The following TEX15 variants were observed in gnomAD, a reference collection of about 807,000 sequenced individuals.
TEX15 encodes testis-expressed protein 15.
TEX15 carries 171 observed loss-of-function variants against 237.3 expected under a neutral mutation model. The ratio of observed to expected loss-of-function variants is 0.72; its 90% confidence interval spans 0.64 to 0.82. The LOEUF is 0.82. TEX15 is among the 40% of genes least tolerant of loss of function. The pLI, the probability that TEX15 is intolerant of heterozygous loss-of-function variation, is 0.00. For missense variants in TEX15, 3,750 were observed against 3,646.5 expected (o/e 1.03, Z -0.73); for synonymous variants, 1,338 against 1,269.8 (o/e 1.05, Z -1.14).
chr8:30,834,605 A>G (rs960434983), intron 10 of TEX15, among the ~76,000 whole-genome samples: 5 of 152,206 alleles, frequency 3.3e-5, no homozygotes, highest in Non-Finnish European at 7.4e-5. Flanking sequence ...ATACTCACAT[A>G]CCTTATGTGA....
chr8:30,840,448 A>T (rs1807425107), intron 8 of TEX15, among the ~76,000 whole-genome samples: 1 of 152,128 alleles, frequency 6.6e-6, no homozygotes, highest in Non-Finnish European at 1.5e-5. Flanking sequence ...CATCTGCCTC[A>T]GCCTCCCAAA....
At position 30,874,944 on chromosome 8, in the gene TEX15, CA is replaced by C. The variant is rs1808371021; in HGVS notation, c.294del (p.Ala99LeufsTer23). 7.5e-7 allele frequency: 1 copy of C among 1,332,228 alleles called. No homozygotes were observed. The highest frequency in any genetic ancestry group is 9.6e-7 in the Non-Finnish European group (1 of 1,040,970). 82.5% of individuals were successfully genotyped at this position (1,332,228 alleles called of 1,614,324 possible). On this transcript the variant is annotated frameshift_variant, in exon 4 of 11. Transcript: ENST00000643185. LOFTEE classifies it high-confidence loss of function. ...VHNEELEKNF[T>X]AKRSEMRESG... ...TAGATCATAGTAACTTACCTCTTAG[CA>C]GTAAAATTTTTTTCCAGTTCCTCAT...
Position 30,847,795 on chromosome 8 carries a change from G to A in TEX15, c.2372C>T (p.Ala791Val), listed in dbSNP as rs755283593. ...TATGCTGCAATTTGAACTGTCATGA[G>A]CTGTTTCTATGTTATAAGATGAAAT... ...TVISSYNIETAHDSSNCSITR... is the reference protein window; with the variant it reads ...TVISSYNIETVHDSSNCSITR... The change falls in exon 8 of 11, where the codon GCT becomes GTT. Residue 791 changes from alanine (A) to valine (V), a missense_variant. Physicochemically the swap from Ala to Val is moderately conservative, Grantham distance 64 (BLOSUM62 0). Transcript: ENST00000643185. The A allele has an allele frequency of 3.0e-5, 48 of 1,613,656 alleles. No individual in the cohort carries two copies. Among genetic ancestry groups the A allele is most frequent in the Non-Finnish European group, 3.9e-5 (46 of 1,179,950 alleles).
In TEX15 at chr8:30,843,641, A is replaced by G; in HGVS notation, c.6526T>C (p.Cys2176Arg). 2 of 1,612,800 alleles carry G rather than the reference A, an allele frequency of 1.2e-6. No individual in the cohort carries two copies. Among genetic ancestry groups the G allele is most frequent in the Non-Finnish European group, 1.7e-6 (2 of 1,179,656 alleles). ...GAACAATGCTCCATTATGGCTTCAC[A>G]TTCATTAACCTGTCGTTTGTACTTT... is the stretch of plus-strand genomic sequence containing the variant. ...FLKYKRQVNE[C>R]EAIMEHCSDC... is the part of the protein sequence containing the mutation. Residue 2176 changes from cysteine (C) to arginine (R), a missense_variant, in exon 8 of 11, where the codon TGT becomes CGT. Transcript: ENST00000643185.
In TEX15 at chr8:30,836,827, GCA is replaced by G. The variant is rs1367212755; in HGVS notation, c.9455_9456del (p.Val3152AlafsTer30). The stretch of plus-strand genomic sequence containing the variant: ...CCATAAACCCAAGGAACTTCTGGAG[GCA>G]CAAATCGATTAGGAAGGTAAGGGTA... ...ATYPYLPNRF[V>X]PPEVPWVYAP... On this transcript the variant is annotated frameshift_variant, in exon 10 of 11. Transcript: ENST00000643185. LOFTEE classifies it high-confidence loss of function. 2 of 1,608,688 alleles carry G rather than the reference GCA, an allele frequency of 1.2e-6. No individual in the cohort carries two copies. Among genetic ancestry groups the G allele is most frequent in the African/African-American group, 2.7e-5 (2 of 74,628 alleles).
intron 2 of TEX15, chr8:30,888,612 T>C (rs1808716562): frequency 7.8e-7 from 1 of 1,288,908 alleles, no homozygotes; most frequent in Non-Finnish European, 1.0e-6. Context: ...CAGGGAAATA[T>C]ATATAAGCAG....
intron 3 of TEX15, among the ~76,000 whole-genome samples, chr8:30,884,799 T>G (rs1237436318): frequency 6.6e-6 from 1 of 152,096 alleles, no homozygotes; most frequent in African/African-American, 2.4e-5. Flanking sequence ...GTTGATTTTT[T>G]TCTATTAATT....
chr8:30,845,142 A>G lies in TEX15; in HGVS notation c.5025T>C (p.Asp1675=), dbSNP rs1191764527. ...ACTTTACTTCCAGGTTTCTTTTACAATCAGATAAAATAAGGTTACCTTGTT... is the reference window on the plus strand; with the variant it reads ...ACTTTACTTCCAGGTTTCTTTTACAGTCAGATAAAATAAGGTTACCTTGTT... The part of the protein sequence containing the change: ...LYQQGNLILS[D]CKRNLEVKWT... Residue 1675 remains aspartate (D), a synonymous_variant, in exon 8 of 11, where the codon GAT becomes GAC. Coordinates refer to ENST00000643185, the MANE Select transcript of TEX15 (RefSeq NM_001350162.2). The G allele has an allele frequency of 6.2e-7, 1 of 1,613,438 alleles. No homozygotes were observed. Among genetic ancestry groups the G allele is most frequent in the Admixed American group, 1.7e-5 (1 of 59,976 alleles).
Position 30,837,539 on chromosome 8 carries a change from G to C in TEX15, c.8745C>G (p.Val2915=). The change falls in exon 10 of 11, where the codon GTC becomes GTG. Residue 2915 remains valine, a synonymous_variant. Coordinates refer to ENST00000643185, the MANE Select transcript of TEX15 (RefSeq NM_001350162.2). ...CTATATCATTATCTTGAAGTTCAAAGACTGTGTCATTCATTTCTAGATCAG... is the reference window on the plus strand; with the variant it reads ...CTATATCATTATCTTGAAGTTCAAACACTGTGTCATTCATTTCTAGATCAG... ...VHPDLEMNDT[V]FELQDNDIVN... 6.2e-7 allele frequency: 1 copy of C among 1,613,864 alleles called. No individual in the cohort carries two copies. Among genetic ancestry groups the C allele is most frequent in the Non-Finnish European group, 8.5e-7 (1 of 1,179,858 alleles).
In TEX15 at chr8:30,836,220, T is replaced by TTG. The variant is rs1807292521; in HGVS notation, c.9481+582_9481+583insCA. Among the ~76,000 whole-genome samples the TTG allele has an allele frequency of 3.0e-5, 4 of 132,996 alleles. No homozygotes were observed. In the South Asian group the frequency reaches 7.8e-4, roughly 26 times the overall value. 87.3% of individuals were successfully genotyped at this position (132,996 alleles called of 152,430 possible). ...TCACTGTATCGTTTTTTTTTTTTTTTTTTTTTTTTTTTGAGGTCGAGTCTC... is the reference window on the plus strand; with the variant it reads ...TCACTGTATCGTTTTTTTTTTTTTTTTGTTTTTTTTTTTTGAGGTCGAGTCTC... On this transcript the variant is annotated intron_variant, in intron 10 of 10. Transcript: ENST00000643185.
intron 1 of TEX15, among the ~76,000 whole-genome samples, chr8:30,907,465 CAAAATGTATATATAAATTATATAT>C (rs1563281294): frequency 6.2e-5 from 9 of 145,836 alleles, no homozygotes; most frequent in Admixed American, 2.1e-4. Context: ...AAATTATATA[CAAAATGTATATATAAATTATATAT>C]AAAATGTATA....
intron 7 of TEX15, among the ~76,000 whole-genome samples, chr8:30,853,692 A>G (rs915609279): frequency 2.0e-5 from 3 of 152,202 alleles, no homozygotes; most frequent in African/African-American, 7.2e-5. Context: ...CCTCCCTGAC[A>G]GATACTGGAG....
chr8:30,838,699 CACACACACACACACACACATATAT>C (rs1807367221), intron 9 of TEX15, among the ~76,000 whole-genome samples: 1 of 2,756 alleles, frequency 3.6e-4, no homozygotes, highest in Non-Finnish European at 1.0e-3. Flanking sequence ...TATATATATA[CACACACACACACACACACATATAT>C]ACACACACAC....
At position 30,858,741 on chromosome 8, in the gene TEX15, A is replaced by G. The variant is rs1243690076; in HGVS notation, c.777T>C (p.Leu259=). ...LPYAVVTVKF[L]GSKVDNGRLM... The stretch of plus-strand genomic sequence containing the variant: ...GGCGTCCATTATCTACTTTTGAACC[A>G]AGAAATTTTACTGTTACTACAGCAT... Residue 259 remains leucine (L), a synonymous_variant, in exon 7 of 11, where the codon CTT becomes CTC. Coordinates refer to ENST00000643185, the MANE Select transcript of TEX15 (RefSeq NM_001350162.2). 1 of 1,535,708 alleles carries G rather than the reference A, an allele frequency of 6.5e-7. No homozygotes were observed. Among genetic ancestry groups the G allele is most frequent in the Non-Finnish European group, 8.7e-7 (1 of 1,146,696 alleles).
At chr8:30,900,186 C>T (rs10086531) in intron 1 of TEX15, among the ~76,000 whole-genome samples, 54,697 of 152,026 alleles carry the variant, frequency 0.36, 15,094 homozygotes, top group African/African-American at 0.77. Context: ...CTTACTAGTT[C>T]GTGTATATTT....
chr8:30,837,569 G>A lies in TEX15; in HGVS notation c.8715C>T (p.Val2905=), dbSNP rs772599415. ...TGTCATTCATTTCTAGATCAGGATG[G>A]ACATCTTTCACAAAACAGAAAATTG... ...SKPIFCFVKD[V]HPDLEMNDTV... Residue 2905 remains valine, a synonymous_variant, in exon 10 of 11, where the codon GTC becomes GTT. Transcript: ENST00000643185. 1 of 1,613,934 alleles carries A rather than the reference G, an allele frequency of 6.2e-7. No individual in the cohort carries two copies. Among genetic ancestry groups the A allele is most frequent in the Non-Finnish European group, 8.5e-7 (1 of 1,179,896 alleles).
intron 7 of TEX15, among the ~76,000 whole-genome samples, chr8:30,857,825 C>T (rs1184805682): frequency 2.6e-5 from 4 of 152,036 alleles, no homozygotes; most frequent in Non-Finnish European, 5.9e-5. Flanking sequence ...CAAGTTAAAA[C>T]CACAATGAAA....
chr8:30,910,859 G>T (rs988047146), intron 1 of TEX15, among the ~76,000 whole-genome samples: 3 of 151,950 alleles, frequency 2.0e-5, no homozygotes, highest in Non-Finnish European at 2.9e-5. Context: ...AAATATCTTT[G>T]CAATAAGGTA....
Position 30,848,000 on chromosome 8 carries a change from T to G in TEX15, c.2167A>C (p.Lys723Gln). The change falls in exon 8 of 11, where the codon AAG (lysine) becomes CAG (glutamine). Residue 723 changes from lysine to glutamine, a missense_variant. By Grantham distance (53) the Lys-to-Gln change is moderately conservative. Transcript: ENST00000643185. ...TACTCCACAGAGTGCTGAGGATGCT[T>G]TTGTGACAGGCTCTCAAAACTTGGA... ...ITPSFESLSQ[K>Q]HPQHSVEYEG... 1.2e-6 allele frequency: 2 copies of G among 1,614,018 alleles called. No individual in the cohort carries two copies. Among genetic ancestry groups the G allele is most frequent in the Non-Finnish European group, 1.7e-6 (2 of 1,179,936 alleles).
Sources: gnomAD v4.1 joint callset for allele counts (sites outside exome capture counted in the v4.1 genomes callset) on GRCh38, gnomAD v4.1.1 for gene constraint, MANE v1.5 for transcripts, NCBI Gene and HGNC (gene_info 2026-07-23, HGNC 2026-07-21) for gene names.